MTMR6: variants seen among roughly 807,000 people sequenced by gnomAD.
The protein encoded by MTMR6 is myotubularin related protein 6.
MTMR6 carries 47 observed loss-of-function variants against 80.1 expected under a neutral mutation model. That is an observed-to-expected ratio of 0.59 (90% CI 0.46 to 0.75). MTMR6 has a LOEUF of 0.75. Ranked by LOEUF, MTMR6 falls within the 30% of genes least tolerant of loss-of-function variation. The pLI, the probability that MTMR6 is intolerant of heterozygous loss-of-function variation, is 0.00. For synonymous variants in MTMR6, 254 were observed against 253.0 expected, an observed-to-expected ratio of 1.00 and a Z score of -0.04; for missense variants, 629 against 730.9, an observed-to-expected ratio of 0.86 and a Z score of 1.61.
rs1271646102 is a variant in MTMR6 at position 25,248,703 on chromosome 13, T to G, written c.*529A>C. On this transcript the variant is annotated 3_prime_UTR_variant, in exon 14 of 14. Coordinates refer to ENST00000381801, the MANE Select transcript of MTMR6 (RefSeq NM_004685.5). Reference sequence around the variant, plus strand: ...AAAAACAAAACAAAAAATCTTGTTGTAGGCTGTAAAACTTAAGGGTAAAGA... The same window carrying G: ...AAAAACAAAACAAAAAATCTTGTTGGAGGCTGTAAAACTTAAGGGTAAAGA... 6.5e-6 allele frequency: 1 copy of G among 153,022 alleles called. No homozygotes were observed. Among genetic ancestry groups the G allele is most frequent in the Non-Finnish European group, 1.5e-5 (1 of 68,338 alleles). The allele number at this position is 153,022 out of a possible 1,614,324, so 9.5% of individuals were successfully genotyped here.
At chr13:25,255,143 A>C (rs2137529375) in intron 9 of MTMR6, among the ~76,000 whole-genome samples, 1 of 152,340 alleles carries the variant, frequency 6.6e-6, no homozygotes, top group East Asian at 1.9e-4. Context: ...CATTATTTTC[A>C]TAGTGTCAAA....
intron 1 of MTMR6, among the ~76,000 whole-genome samples, chr13:25,276,504 A>C (rs1957731236): frequency 6.6e-6 from 1 of 152,218 alleles, no homozygotes; most frequent in African/African-American, 2.4e-5. Flanking sequence ...GAAGATCATA[A>C]ATATTCCTGG....
rs1188694553 is a variant in MTMR6, at chr13:25,247,423, A to C, written c.*1809T>G. 2.0e-5 allele frequency: 3 copies of C among 152,652 alleles called. No homozygotes were observed. The highest frequency in any genetic ancestry group is 4.4e-5 in the Non-Finnish European group (3 of 68,042). The allele number at this position is 152,652 out of a possible 1,614,324, so 9.5% of individuals were successfully genotyped here. A position where few individuals can be genotyped will look rare whatever the true frequency, so the allele number is the denominator to read the frequency against. On this transcript the variant is annotated 3_prime_UTR_variant, in exon 14 of 14. Transcript: ENST00000381801. ...TACCCTGTAGGTCACTTAAGATGTA[A>C]CTGATTTCTCAGTCCACCTGTGAGC...
At position 25,260,145 on chromosome 13, in the gene MTMR6, G is replaced by A. The variant is rs151089955; in HGVS notation, c.727-1453C>T. 7.5e-3 allele frequency among the ~76,000 whole-genome samples: 1,132 copies of A among 150,696 alleles called. 13 individuals are homozygous for A. Among genetic ancestry groups the A allele is most frequent in the Middle Eastern group, 0.035 (10 of 282 alleles). On this transcript the variant is annotated intron_variant, in intron 6 of 13. Coordinates refer to ENST00000381801, the MANE Select transcript of MTMR6 (RefSeq NM_004685.5). ...TCCAAAGTGCTGGGATTACAGGTGT[G>A]AGCCACCATGTCCAGCCAGATAATT...
rs1247110064 is a variant in MTMR6, at chr13:25,247,035, A to C, written c.*2197T>G. ...ACAGGAACAAAATGAAAACTTAATG[A>C]CATTATTACCTACATCTGATGGGCC... On this transcript the variant is annotated 3_prime_UTR_variant, in exon 14 of 14. Transcript: ENST00000381801. 1.3e-5 allele frequency: 2 copies of C among 152,214 alleles called. No homozygotes were observed. The highest frequency in any genetic ancestry group is 2.9e-5 in the Non-Finnish European group (2 of 68,024). The allele number at this position is 152,214 out of a possible 1,614,324, so 9.4% of individuals were successfully genotyped here. A position where few individuals can be genotyped will look rare whatever the true frequency, so the allele number is the denominator to read the frequency against.
intron 1 of MTMR6, among the ~76,000 whole-genome samples, chr13:25,281,064 G>T (rs566147793): frequency 6.6e-6 from 1 of 152,188 alleles, no homozygotes; most frequent in Admixed American, 6.5e-5. Flanking sequence ...AGTAGCTTAC[G>T]CTTGTAATCC....
At position 25,249,252 on chromosome 13, in the gene MTMR6, C is replaced by CA; in HGVS notation, c.1845dup (p.Val616CysfsTer10). ...TGAGTCTAACAAGTCATTCTTGCCA[C>CA]ACCATACTCTAAGCTGACCACAGCA... On this transcript the variant is annotated frameshift_variant, in exon 14 of 14. Transcript: ENST00000381801. LOFTEE classifies it high-confidence loss of function. 1 of 1,613,844 alleles carries CA rather than the reference C, an allele frequency of 6.2e-7. No individual in the cohort carries two copies. The highest frequency in any genetic ancestry group is 8.5e-7 in the Non-Finnish European group (1 of 1,179,794).
intron 1 of MTMR6, among the ~76,000 whole-genome samples, chr13:25,276,673 T>G (rs1319689573): frequency 6.6e-6 from 1 of 152,154 alleles, no homozygotes; most frequent in African/African-American, 2.4e-5. Context: ...AGGGGTCCAT[T>G]CTCTATAGGA....
intron 6 of MTMR6, among the ~76,000 whole-genome samples, chr13:25,259,173 G>A (rs567076293): frequency 6.6e-6 from 1 of 152,140 alleles, no homozygotes; most frequent in Non-Finnish European, 1.5e-5. Flanking sequence ...CAGATTACTT[G>A]AGGGAGATTA....
At chr13:25,249,572 G>A (rs1957043768) in intron 13 of MTMR6, 80 bp from the exon 14 acceptor site, 1 of 1,385,376 alleles carries the variant, frequency 7.2e-7, no homozygotes, top group African/African-American at 1.5e-5. Flanking sequence ...ACATGCTTTT[G>A]CAAAATATGT....
intron 1 of MTMR6, among the ~76,000 whole-genome samples, chr13:25,284,563 A>G (rs1957919044): frequency 6.6e-6 from 1 of 152,228 alleles, no homozygotes. Flanking sequence ...AAATAGTCAT[A>G]AAGGACACTC....
intron 13 of MTMR6, 101 bp from the exon 14 acceptor site, chr13:25,249,593 T>C: frequency 8.5e-7 from 1 of 1,173,010 alleles, no homozygotes; most frequent in Non-Finnish European, 1.2e-6. Context: ...TCTCTGTATG[T>C]ATAATGCAAA....
At chr13:25,281,605 T>C (rs1229414067) in intron 1 of MTMR6, among the ~76,000 whole-genome samples, 4 of 152,142 alleles carry the variant, frequency 2.6e-5, no homozygotes, top group African/African-American at 9.7e-5. Flanking sequence ...GTACTTATTC[T>C]ACAACTACAT....
chr13:25,287,286 TACCA>T lies in MTMR6; in HGVS notation c.-43_-40del. On this transcript the variant is annotated 5_prime_UTR_variant, in exon 1 of 14. The change abolishes an upstream ATG in the 5' untranslated region. Coordinates refer to ENST00000381801, the MANE Select transcript of MTMR6 (RefSeq NM_004685.5). ...CAGCCGGCAGCCGGTCTCACAGGCG[TACCA>T]TACGGCTACAGAAACAGGGCGGTGA... 2 of 1,579,838 alleles carry T rather than the reference TACCA, an allele frequency of 1.3e-6. No individual in the cohort carries two copies. Among genetic ancestry groups the T allele is most frequent in the Non-Finnish European group, 1.7e-6 (2 of 1,166,182 alleles).
chr13:25,261,590 G>C, intron 6 of MTMR6, 78 bp downstream of exon 6: 1 of 1,219,152 alleles, frequency 8.2e-7, no homozygotes, highest in Non-Finnish European at 1.1e-6. Flanking sequence ...TTAAATATGG[G>C]CAAGTTTATT....
At position 25,257,836 on chromosome 13, in the gene MTMR6, GT is replaced by G; in HGVS notation, c.868del (p.Thr290LeufsTer36). 6.2e-7 allele frequency: 1 copy of G among 1,611,998 alleles called. No individual in the cohort carries two copies. Among genetic ancestry groups the G allele is most frequent in the South Asian group, 1.1e-5 (1 of 90,864 alleles). The part of the protein sequence containing the change: ...SLQKLLEVNG[T>X]KGLSVNDFYS... The stretch of plus-strand genomic sequence containing the variant: ...GAAATCATTGACAGAAAGCCCTTTA[GT>G]GCCATTGACTGAAAGAGGTATAAAA... On this transcript the variant is annotated frameshift_variant, in exon 8 of 14. Transcript: ENST00000381801. LOFTEE classifies it high-confidence loss of function.
intron 2 of MTMR6, among the ~76,000 whole-genome samples, chr13:25,271,598 C>T (rs1233961789): frequency 6.6e-6 from 1 of 152,196 alleles, no homozygotes; most frequent in Non-Finnish European, 1.5e-5. Flanking sequence ...TCCTCTCAGG[C>T]ACAGAGACAC....
intron 1 of MTMR6, among the ~76,000 whole-genome samples, chr13:25,286,145 T>G (rs1339437650): frequency 2.0e-5 from 3 of 152,182 alleles, no homozygotes; most frequent in Non-Finnish European, 4.4e-5. Flanking sequence ...AATCTTCAAT[T>G]TTACTAGATA....
At chr13:25,258,449 T>A in intron 7 of MTMR6, 111 bp downstream of exon 7, 1 of 838,834 alleles carries the variant, frequency 1.2e-6, no homozygotes, top group Non-Finnish European at 1.7e-6. Flanking sequence ...TTAATTTCAC[T>A]TGTTTCTTTT....
Sources: allele counts gnomAD v4.1 joint callset (sites outside exome capture counted in the v4.1 genomes callset), GRCh38; gene constraint gnomAD v4.1.1; transcripts MANE v1.5; gene names NCBI Gene and HGNC (gene_info 2026-07-23, HGNC 2026-07-21).